DCUN1D4: variants seen among roughly 807,000 people sequenced by gnomAD.
The protein encoded by DCUN1D4 is defective in cullin neddylation 1 domain containing 4.
DCUN1D4 carries 22 observed loss-of-function variants against 47.9 expected under a neutral mutation model. That is an observed-to-expected ratio of 0.46 (90% CI 0.33 to 0.66). DCUN1D4 has a LOEUF of 0.66. Ranked by LOEUF, DCUN1D4 falls within the 30% of genes least tolerant of loss-of-function variation. The pLI, the probability that DCUN1D4 is intolerant of heterozygous loss-of-function variation, is 0.02. For missense variants in DCUN1D4, 301 were observed against 340.8 expected (o/e 0.88, Z 0.92); for synonymous variants, 121 against 112.2 (o/e 1.08, Z -0.50).
intron 3 of DCUN1D4, chr4:51,865,339 TC>T: frequency 4.8e-6 from 1 of 206,920 alleles, no homozygotes; most frequent in Non-Finnish European, 1.0e-5. Flanking sequence ...AAATGTCTGT[TC>T]ACAAGAGCTT....
chr4:51,881,177 T>A (rs554661622), intron 5 of DCUN1D4, among the ~76,000 whole-genome samples: 1 of 152,148 alleles, frequency 6.6e-6, no homozygotes, highest in Non-Finnish European at 1.5e-5. Flanking sequence ...TCTAATAACT[T>A]CCACTTTTTG....
At chr4:51,858,379 G>A (rs1724475385) in intron 1 of DCUN1D4, among the ~76,000 whole-genome samples, 1 of 152,130 alleles carries the variant, frequency 6.6e-6, no homozygotes. Context: ...GGAGCAGTAG[G>A]AAGCTCACTG....
Position 51,891,739 on chromosome 4 carries a change from T to C in DCUN1D4, c.415-21T>C, listed in dbSNP as rs746855669. ...ATTTGTGTAATATATTTTTTTTTAA[T>C]TGTGTATTTTTTTTTAACAGGTAGT... On this transcript the variant is annotated intron_variant, in intron 6 of 10. Transcript: ENST00000334635. The C allele has an allele frequency of 1.2e-5, 19 of 1,560,550 alleles. No individual in the cohort carries two copies. The Admixed American group carries it at 3.4e-4, about 28-fold the overall frequency.
At chr4:51,887,692 G>A (rs1397439693) in intron 6 of DCUN1D4, among the ~76,000 whole-genome samples, 1 of 152,142 alleles carries the variant, frequency 6.6e-6, no homozygotes, top group Admixed American at 6.5e-5. Context: ...CATTCAGGCT[G>A]TTTCCAAGAC....
At chr4:51,861,365 A>G (rs2109885614) in intron 1 of DCUN1D4, among the ~76,000 whole-genome samples, 1 of 152,166 alleles carries the variant, frequency 6.6e-6, no homozygotes, top group Middle Eastern at 3.4e-3. Context: ...GGGTGGTGAA[A>G]GATGTTTGGA....
At chr4:51,840,724 T>C (rs764229108), upstream of DCUN1D4, among the ~76,000 whole-genome samples, 9 of 152,232 alleles carry the variant, frequency 5.9e-5, no homozygotes, top group Non-Finnish European at 1.0e-4. Context: ...ACAAGTTTCC[T>C]GATATCAGAG....
At chr4:51,839,744 G>A (rs908182005), upstream of DCUN1D4, among the ~76,000 whole-genome samples, 2 of 151,962 alleles carry the variant, frequency 1.3e-5, no homozygotes, top group African/African-American at 4.8e-5. Context: ...ATCTTACCAG[G>A]GACACATTTA....
chr4:51,911,897 C>T (rs970715220), intron 9 of DCUN1D4, among the ~76,000 whole-genome samples: 2 of 152,214 alleles, frequency 1.3e-5, no homozygotes, highest in African/African-American at 4.8e-5. Context: ...TAAAAAGTGT[C>T]CTTTGCTTGC....
chr4:51,860,393 C>T, intron 1 of DCUN1D4: 1 of 288,052 alleles, frequency 3.5e-6, no homozygotes, highest in Non-Finnish European at 7.0e-6. Flanking sequence ...TATTTTTGTT[C>T]CTGTGTGTTG....
chr4:51,842,834 G>C (rs1218609718), upstream of DCUN1D4, among the ~76,000 whole-genome samples: 3 of 152,206 alleles, frequency 2.0e-5, no homozygotes, highest in Non-Finnish European at 4.4e-5. Flanking sequence ...CCGCCACTGG[G>C]CGGGGTTTCA....
At chr4:51,894,978 A>G (rs1445005365) in intron 7 of DCUN1D4, among the ~76,000 whole-genome samples, 2 of 152,136 alleles carry the variant, frequency 1.3e-5, no homozygotes, top group Non-Finnish European at 2.9e-5. Flanking sequence ...TTTGATTCAT[A>G]GATGGTGCCT....
upstream of DCUN1D4, among the ~76,000 whole-genome samples, chr4:51,842,454 A>G (rs1322404794): frequency 6.6e-6 from 1 of 152,260 alleles, no homozygotes; most frequent in Admixed American, 6.5e-5. Context: ...CTGGAAAAGA[A>G]GTACATTTCG....
In DCUN1D4 at chr4:51,844,758, A is replaced by G. The variant is rs535876718; in HGVS notation, c.25+1491A>G. ...TCCAGTCAACGGGTATGAAGGGGAA[A>G]GGCGGTCCCGCCGAATTCTGGGACT... On this transcript the variant is annotated intron_variant, in intron 1 of 10. Transcript: ENST00000334635. The G allele has an allele frequency of 3.6e-5, 32 of 891,748 alleles. No homozygotes were observed. In the African/African-American group the frequency reaches 5.4e-4, roughly 15 times the overall value. 55.2% of individuals were successfully genotyped at this position (891,748 alleles called of 1,614,324 possible).
chr4:51,902,922 A>G (rs1732334291), intron 8 of DCUN1D4, among the ~76,000 whole-genome samples: 1 of 152,006 alleles, frequency 6.6e-6, no homozygotes, highest in African/African-American at 2.4e-5. Flanking sequence ...GCCTACCTTC[A>G]TATAATGTTA....
At chr4:51,859,856 T>C (rs1429324315) in intron 1 of DCUN1D4, among the ~76,000 whole-genome samples, 1 of 152,126 alleles carries the variant, frequency 6.6e-6, no homozygotes, top group Non-Finnish European at 1.5e-5. Context: ...GAGAGCCGTC[T>C]GATCATGGAA....
At chr4:51,841,381 GT>G (rs1203821518), upstream of DCUN1D4, among the ~76,000 whole-genome samples, 1 of 152,194 alleles carries the variant, frequency 6.6e-6, no homozygotes, top group Non-Finnish European at 1.5e-5. Flanking sequence ...CCTGCTCAGA[GT>G]AAGGGCGGAT....
At chr4:51,874,420 T>C in intron 4 of DCUN1D4, 35 bp downstream of exon 4, 1 of 1,503,486 alleles carries the variant, frequency 6.7e-7, no homozygotes, top group South Asian at 1.2e-5. Context: ...GAATCAGTGA[T>C]ACATATGTCG....
intron 1 of DCUN1D4, among the ~76,000 whole-genome samples, chr4:51,849,764 A>G (rs1478823730): frequency 2.0e-5 from 3 of 151,938 alleles, no homozygotes; most frequent in African/African-American, 7.2e-5. Flanking sequence ...TGGGATGCCT[A>G]GGAGCTAATA....
intron 7 of DCUN1D4, 122 bp from the exon 8 acceptor site, chr4:51,899,148 T>C: frequency 2.9e-6 from 4 of 1,395,860 alleles, no homozygotes; most frequent in Non-Finnish European, 3.7e-6. Flanking sequence ...AAATAGGTTA[T>C]GGATGTGTTT....
Sources: gnomAD v4.1 joint callset for allele counts (sites outside exome capture counted in the v4.1 genomes callset) on GRCh38, gnomAD v4.1.1 for gene constraint, MANE v1.5 for transcripts, NCBI Gene and HGNC (gene_info 2026-07-23, HGNC 2026-07-21) for gene names.